Variants in TRIM29 observed in about 807,000 individuals in gnomAD.
TRIM29 encodes tripartite motif-containing protein 29.
Under a neutral mutation model 57.3 loss-of-function variants are expected in TRIM29, and 52 were observed. The ratio of observed to expected loss-of-function variants is 0.91; its 90% CI spans 0.73 to 1.14. The LOEUF (loss-of-function observed/expected upper bound fraction) is 1.14, where lower values mean the gene tolerates loss of function less well. TRIM29 is among the 50% of genes most tolerant of loss of function. The probability of loss-of-function intolerance (pLI) is 0.00; values close to 1 mark genes in which losing one functional copy is unlikely to be tolerated. For missense variants in TRIM29, 753 were observed against 774.6 expected (o/e 0.97, Z 0.33); for synonymous variants, 319 against 316.9 (o/e 1.01, Z -0.07).
intron 2 of TRIM29, among the ~76,000 whole-genome samples, chr11:120,128,085 T>C (rs905985934): frequency 6.6e-6 from 1 of 152,072 alleles, no homozygotes; most frequent in Non-Finnish European, 1.5e-5. Flanking sequence ...TGGTGTGTAT[T>C]TGGTGGCTGG....
chr11:120,130,226 G>A (rs997967764), intron 1 of TRIM29, among the ~76,000 whole-genome samples: 15 of 152,198 alleles, frequency 9.9e-5, no homozygotes, highest in Admixed American at 9.2e-4. Flanking sequence ...GAGTGGACTG[G>A]GGGTCTGTCC....
chr11:120,115,711 C>T (rs1863250875), intron 7 of TRIM29: 6 of 386,740 alleles, frequency 1.6e-5, no homozygotes, highest in South Asian at 2.9e-5. Context: ...TCACACTGCT[C>T]TGCAGGGATT....
chr11:120,127,781 C>T (rs956689329), intron 2 of TRIM29, among the ~76,000 whole-genome samples: 8 of 152,034 alleles, frequency 5.3e-5, no homozygotes, highest in Admixed American at 2.6e-4. Context: ...TCACAGTCCA[C>T]GCTTCTTATC....
intron 2 of TRIM29, 86 bp from the exon 3 acceptor site, chr11:120,127,655 C>T (rs1181637641): frequency 1.6e-6 from 2 of 1,262,474 alleles, no homozygotes; most frequent in Non-Finnish European, 2.2e-6. Context: ...TTTAGGTTTC[C>T]AGCACAGGAT....
At position 120,118,328 on chromosome 11, in the gene TRIM29, G is replaced by A; in HGVS notation, c.1529-7C>T. The A allele has an allele frequency of 6.2e-7, 1 of 1,608,082 alleles. No homozygotes were observed. Among genetic ancestry groups the A allele is most frequent in the South Asian group, 1.1e-5 (1 of 90,206 alleles). ...ACCCGGGAGGTGTAGTTACCTGGCAGGACAAAGAAGGGCTGTCAGGCCCCC... is the reference window on the plus strand; with the variant it reads ...ACCCGGGAGGTGTAGTTACCTGGCAAGACAAAGAAGGGCTGTCAGGCCCCC... On this transcript the variant is annotated splice_region_variant and splice_polypyrimidine_tract_variant and intron_variant, in intron 6 of 8. Coordinates refer to ENST00000341846, the MANE Select transcript of TRIM29 (RefSeq NM_012101.4).
chr11:120,120,836 T>G (rs1269666827), intron 5 of TRIM29, 171 bp from the exon 6 acceptor site: 1 of 700,368 alleles, frequency 1.4e-6, no homozygotes, highest in African/African-American at 1.8e-5. Context: ...ATTGGCATGC[T>G]TTTGAGAGTA....
intron 1 of TRIM29, among the ~76,000 whole-genome samples, chr11:120,132,151 A>G (rs148674856): frequency 6.9e-4 from 104 of 151,372 alleles, no homozygotes; most frequent in African/African-American, 2.5e-3. Context: ...CTGCTGGCCT[A>G]AGCCCTCCCA....
At chr11:120,129,959 G>A (rs1591329506) in intron 1 of TRIM29, among the ~76,000 whole-genome samples, 1 of 152,304 alleles carries the variant, frequency 6.6e-6, no homozygotes, top group East Asian at 1.9e-4. Flanking sequence ...AGGACCTAAG[G>A]AGATGAGGAT....
rs548712410 is a variant in TRIM29, at chr11:120,113,560, C to T, written c.1705-1084G>A. On this transcript the variant is annotated intron_variant, in intron 8 of 8. Transcript: ENST00000341846. ...ACCTCAAGGGTACACTGCCTTTGGC[C>T]CTGTCTCTCAGGGAACTGACACCTC... is the stretch of plus-strand genomic sequence containing the variant. The T allele has an allele frequency of 9.3e-4, 421 of 453,950 alleles. 10 individuals carry two copies. The highest frequency in any genetic ancestry group is 6.4e-3 in the South Asian group (414 of 64,246). 28.1% of individuals were successfully genotyped at this position (453,950 alleles called of 1,614,324 possible).
chr11:120,126,138 G>T, intron 3 of TRIM29: 1 of 512,718 alleles, frequency 2.0e-6, no homozygotes. Context: ...GGGTGCATCT[G>T]TTTACCTCAT....
chr11:120,134,211 T>C (rs1863773877), intron 1 of TRIM29, among the ~76,000 whole-genome samples: 1 of 152,132 alleles, frequency 6.6e-6, no homozygotes, highest in Admixed American at 6.5e-5. Context: ...GCTGTCATGT[T>C]GCCGCACCAA....
At chr11:120,123,428 A>C (rs1863510966) in intron 4 of TRIM29, 1 of 467,264 alleles carries the variant, frequency 2.1e-6, no homozygotes, top group Non-Finnish European at 4.3e-6. Context: ...GAGACTCAGG[A>C]AGTAAGAGAA....
At chr11:120,113,689 AG>A (rs1219303344) in intron 8 of TRIM29, 1 of 456,122 alleles carries the variant, frequency 2.2e-6, no homozygotes, top group Non-Finnish European at 4.4e-6. Context: ...AGACCCAGGG[AG>A]GGGTAAGAAC....
intron 5 of TRIM29, among the ~76,000 whole-genome samples, chr11:120,122,372 C>G (rs985629796): frequency 6.6e-6 from 1 of 152,126 alleles, no homozygotes; most frequent in Non-Finnish European, 1.5e-5. Context: ...GAGGCCACCA[C>G]AGGGCAAGGA....
chr11:120,119,579 G>A (rs1287284793), intron 6 of TRIM29, among the ~76,000 whole-genome samples: 2 of 152,184 alleles, frequency 1.3e-5, no homozygotes, highest in Non-Finnish European at 2.9e-5. Flanking sequence ...CTCTGGGCCT[G>A]TAGCAGCGAA....
chr11:120,131,231 G>A lies in TRIM29; in HGVS notation c.805-2736C>T, dbSNP rs115785943. Among the ~76,000 whole-genome samples, 465 of 152,250 alleles carry A rather than the reference G, an allele frequency of 3.1e-3. 3 individuals are homozygous for A. Among genetic ancestry groups the A allele is most frequent in the African/African-American group, 0.011 (440 of 41,548 alleles). ...GGAGGAAAGGTCTCCCCAGGTGAGC[G>A]TGGATTCATTGGCCAAGACAGACGA... On this transcript the variant is annotated intron_variant, in intron 1 of 8. Transcript: ENST00000341846.
intron 1 of TRIM29, 107 bp from the exon 2 acceptor site, chr11:120,128,602 A>C: frequency 2.7e-6 from 4 of 1,504,790 alleles, no homozygotes; most frequent in Non-Finnish European, 3.6e-6. Flanking sequence ...GCCAGGGCTC[A>C]TCACTCATCT....
At chr11:120,113,340 A>T (rs1277669162) in intron 8 of TRIM29, among the ~76,000 whole-genome samples, 1 of 152,122 alleles carries the variant, frequency 6.6e-6, no homozygotes, top group Non-Finnish European at 1.5e-5. Flanking sequence ...AGATAACTTC[A>T]TCAGGGCCCT....
At chr11:120,125,461 C>T (rs747106922) in intron 4 of TRIM29, 97 of 549,070 alleles carry the variant, frequency 1.8e-4, no homozygotes, top group Non-Finnish European at 2.6e-4. Flanking sequence ...CCCAGGATGT[C>T]CCTGCTCTGG....
Sources: gnomAD v4.1 joint callset for allele counts (sites outside exome capture counted in the v4.1 genomes callset) on GRCh38, gnomAD v4.1.1 for gene constraint, MANE v1.5 for transcripts, NCBI Gene and HGNC (gene_info 2026-07-23, HGNC 2026-07-21) for gene names.